Variants in DLG2 observed in about 807,000 individuals in gnomAD.
The protein encoded by DLG2 is discs large MAGUK scaffold protein 2, also known as disks large homolog 2.
Under a neutral mutation model 132.5 loss-of-function variants are expected in DLG2, and 45 were observed. The ratio of observed to expected loss-of-function variants is 0.34; its 90% CI spans 0.27 to 0.44. DLG2 has a LOEUF of 0.44. Ranked by LOEUF, DLG2 falls within the 20% of genes least tolerant of loss-of-function variation. The pLI, the probability that DLG2 is intolerant of heterozygous loss-of-function variation, is 1.00. For synonymous variants in DLG2, 424 were observed against 419.6 expected (o/e 1.01, Z -0.13); for missense variants, 1,045 against 1,196.9 (o/e 0.87, Z 1.87).
intron 4 of DLG2, among the ~76,000 whole-genome samples, chr11:85,171,257 G>A (rs1329483868): frequency 1.3e-5 from 2 of 152,138 alleles, no homozygotes; most frequent in Non-Finnish European, 2.9e-5. Flanking sequence ...CTGGACCCAT[G>A]GAGAGTGAGG....
At chr11:85,147,188 C>T (rs1018771572) in intron 5 of DLG2, among the ~76,000 whole-genome samples, 2 of 152,158 alleles carry the variant, frequency 1.3e-5, no homozygotes, top group African/African-American at 4.8e-5. Context: ...GATCACTCAC[C>T]TAACCTTTGG....
At chr11:83,784,836 T>C (rs986377679) in intron 18 of DLG2, among the ~76,000 whole-genome samples, 2 of 152,190 alleles carry the variant, frequency 1.3e-5, no homozygotes, top group Non-Finnish European at 2.9e-5. Context: ...CATCTTATCG[T>C]CTGCAGAATT....
At chr11:84,502,878 C>T (rs944144560) in intron 7 of DLG2, among the ~76,000 whole-genome samples, 1 of 152,020 alleles carries the variant, frequency 6.6e-6, no homozygotes, top group South Asian at 2.1e-4. Flanking sequence ...AAAATCTGGA[C>T]AATAAAGTAA....
At chr11:83,921,054 G>T (rs1388822420) in intron 15 of DLG2, among the ~76,000 whole-genome samples, 1 of 152,136 alleles carries the variant, frequency 6.6e-6, no homozygotes, top group African/African-American at 2.4e-5. Context: ...TACCAGCCTA[G>T]TTAGGTTCAA....
chr11:85,520,005 A>T (rs1253314883), intron 3 of DLG2, among the ~76,000 whole-genome samples: 1 of 151,916 alleles, frequency 6.6e-6, no homozygotes, highest in South Asian at 2.1e-4. Flanking sequence ...GGTATGTCTT[A>T]TCAGCAGCAT....
chr11:85,313,637 C>T (rs1168281379), intron 3 of DLG2, among the ~76,000 whole-genome samples: 2 of 152,024 alleles, frequency 1.3e-5, no homozygotes, highest in Non-Finnish European at 2.9e-5. Flanking sequence ...TAAAAACTTA[C>T]AAATGCCATT....
chr11:84,953,491 T>A (rs2051223858), intron 6 of DLG2, among the ~76,000 whole-genome samples: 1 of 152,212 alleles, frequency 6.6e-6, no homozygotes, highest in Non-Finnish European at 1.5e-5. Flanking sequence ...GCTATTCATC[T>A]TGAGAAACTT....
intron 5 of DLG2, among the ~76,000 whole-genome samples, chr11:85,151,452 T>C (rs2077244365): frequency 1.3e-5 from 2 of 152,212 alleles, no homozygotes; most frequent in Admixed American, 1.3e-4. Flanking sequence ...CCAAATCCAA[T>C]GTGTCCTGAC....
chr11:83,499,691 G>A (rs1052917400), intron 21 of DLG2, among the ~76,000 whole-genome samples: 3 of 149,682 alleles, frequency 2.0e-5, no homozygotes, highest in Non-Finnish European at 4.4e-5. Flanking sequence ...TTTGGGACTC[G>A]GACTGGCTCT....
chr11:83,871,638 G>GCTCAGTCATAGTGATTATGTGC (rs6144417), intron 16 of DLG2, among the ~76,000 whole-genome samples: 1 of 151,742 alleles, frequency 6.6e-6, no homozygotes, highest in South Asian at 2.1e-4. Flanking sequence ...CCCACTATGT[G>GCTCAGTCATAGTGATTATGTGC]CACGTTATCT....
chr11:84,349,696 C>CA (rs1214572776), intron 7 of DLG2, among the ~76,000 whole-genome samples: 1 of 152,122 alleles, frequency 6.6e-6, no homozygotes, highest in Non-Finnish European at 1.5e-5. Context: ...TCTTAACTAA[C>CA]AAAAGGCCCT....
intron 7 of DLG2, among the ~76,000 whole-genome samples, chr11:84,476,217 C>T (rs529887406): frequency 6.6e-6 from 1 of 152,226 alleles, no homozygotes; most frequent in Non-Finnish European, 1.5e-5. Context: ...TCACATCTAT[C>T]TGACTCTAAC....
chr11:85,516,069 C>T (rs898722286), intron 3 of DLG2, among the ~76,000 whole-genome samples: 2 of 151,940 alleles, frequency 1.3e-5, no homozygotes, highest in African/African-American at 4.8e-5. Flanking sequence ...CATTGACTCT[C>T]TCTGCTAAAT....
intron 19 of DLG2, among the ~76,000 whole-genome samples, chr11:83,562,416 G>A (rs890304974): frequency 6.6e-6 from 1 of 151,992 alleles, no homozygotes; most frequent in Non-Finnish European, 1.5e-5. Context: ...CCTGGGTGGG[G>A]GGGTACCATT....
intron 19 of DLG2, among the ~76,000 whole-genome samples, chr11:83,552,294 G>T (rs1023160566): frequency 2.6e-5 from 4 of 152,092 alleles, no homozygotes. Flanking sequence ...GGTAGGACTC[G>T]CTGAAAAAGA....
At chr11:84,375,590 G>A (rs1462209894) in intron 7 of DLG2, among the ~76,000 whole-genome samples, 1 of 151,944 alleles carries the variant, frequency 6.6e-6, no homozygotes, top group African/African-American at 2.4e-5. Context: ...CAGATAGACT[G>A]AATATTAAAA....
chr11:85,481,406 C>A (rs1457457244), intron 3 of DLG2, among the ~76,000 whole-genome samples: 1 of 152,148 alleles, frequency 6.6e-6, no homozygotes, highest in Non-Finnish European at 1.5e-5. Context: ...GATTACAGCA[C>A]CTGGGTACAG....
At chr11:85,149,358 C>A (rs112458871) in intron 5 of DLG2, among the ~76,000 whole-genome samples, 14,445 of 152,094 alleles carry the variant, frequency 0.095, 937 homozygotes, top group African/African-American at 0.18. Flanking sequence ...CATTTTCATG[C>A]TATTGATTCT....
chr11:85,168,319 A>G (rs1182941019), intron 4 of DLG2, among the ~76,000 whole-genome samples: 1 of 152,148 alleles, frequency 6.6e-6, no homozygotes, highest in Non-Finnish European at 1.5e-5. Flanking sequence ...AGTTCAATAA[A>G]CATTTATTAA....
Sources: allele counts gnomAD v4.1 joint callset (sites outside exome capture counted in the v4.1 genomes callset), GRCh38; gene constraint gnomAD v4.1.1; transcripts MANE v1.5; gene names NCBI Gene and HGNC (gene_info 2026-07-23, HGNC 2026-07-21).